MYO5B: variants seen among roughly 807,000 people sequenced by gnomAD.
The protein encoded by MYO5B is unconventional myosin-Vb.
MYO5B carries 143 observed loss-of-function variants against 229.3 expected under a neutral mutation model. The ratio of observed to expected loss-of-function variants is 0.62; its 90% CI spans 0.54 to 0.72. The LOEUF is 0.72. Among genes scored for constraint, MYO5B ranks in the 30% least tolerant of loss-of-function variants. The probability of loss-of-function intolerance (pLI) is 0.00; values close to 1 mark genes in which losing one functional copy is unlikely to be tolerated. For synonymous variants in MYO5B, 918 were observed against 885.2 expected (o/e 1.04, Z -0.66); for missense variants, 2,321 against 2,331.0 (o/e 1.00, Z 0.09).
chr18:50,088,727 C>T (rs542043944), intron 1 of MYO5B, among the ~76,000 whole-genome samples: 1 of 152,286 alleles, frequency 6.6e-6, no homozygotes, highest in Admixed American at 6.5e-5. Flanking sequence ...AATTTATATC[C>T]TCCATCTTCC....
At chr18:50,061,704 T>G (rs987159375) in intron 1 of MYO5B, among the ~76,000 whole-genome samples, 5 of 152,182 alleles carry the variant, frequency 3.3e-5, no homozygotes, top group Non-Finnish European at 7.3e-5. Flanking sequence ...GCCCAAACAC[T>G]GTATTTTTAA....
chr18:50,156,440 G>GT (rs1364597480), intron 1 of MYO5B, among the ~76,000 whole-genome samples: 1 of 152,174 alleles, frequency 6.6e-6, no homozygotes, highest in Non-Finnish European at 1.5e-5. Context: ...AGATCTGATG[G>GT]TTTTATAAGA....
At chr18:49,943,702 G>A (rs1400184635) in intron 14 of MYO5B, among the ~76,000 whole-genome samples, 1 of 152,204 alleles carries the variant, frequency 6.6e-6, no homozygotes, top group Admixed American at 6.5e-5. Flanking sequence ...AAACAAAAGT[G>A]TTATAGAAGA....
intron 7 of MYO5B, among the ~76,000 whole-genome samples, chr18:49,988,348 T>C (rs4245233): frequency 0.98 from 149,407 of 152,280 alleles, 73,365 homozygotes; most frequent in East Asian, 1. Flanking sequence ...CACAAGCGCT[T>C]GTCAAAGGCT....
intron 17 of MYO5B, among the ~76,000 whole-genome samples, chr18:49,920,634 C>A (rs1025804733): frequency 1.4e-4 from 21 of 152,170 alleles, no homozygotes; most frequent in Non-Finnish European, 2.5e-4. Flanking sequence ...AAAGTGAGGA[C>A]ACAGGAAAAC....
At chr18:50,000,694 A>G (rs960956504) in intron 5 of MYO5B, among the ~76,000 whole-genome samples, 1 of 152,200 alleles carries the variant, frequency 6.6e-6, no homozygotes, top group Non-Finnish European at 1.5e-5. Context: ...AGGAGTGAAG[A>G]CACAGATGGG....
At chr18:50,145,537 AAT>A (rs1267221119) in intron 1 of MYO5B, among the ~76,000 whole-genome samples, 4 of 140,594 alleles carry the variant, frequency 2.8e-5, no homozygotes, top group Admixed American at 1.5e-4. Flanking sequence ...AAAAAAAAAA[AAT>A]TTCTCTCAGG....
chr18:50,084,134 G>A (rs1309352556), intron 1 of MYO5B, among the ~76,000 whole-genome samples: 2 of 152,180 alleles, frequency 1.3e-5, no homozygotes, highest in Non-Finnish European at 2.9e-5. Flanking sequence ...AGCAGCACAT[G>A]TTGCCAATTA....
intron 1 of MYO5B, among the ~76,000 whole-genome samples, chr18:50,058,348 T>C (rs1363855434): frequency 1.3e-5 from 2 of 152,172 alleles, no homozygotes; most frequent in Non-Finnish European, 2.9e-5. Context: ...TACATGCTTG[T>C]AGTCCTAGCT....
chr18:49,972,904 C>T (rs1357457817), intron 10 of MYO5B, among the ~76,000 whole-genome samples: 1 of 152,050 alleles, frequency 6.6e-6, no homozygotes, highest in Non-Finnish European at 1.5e-5. Context: ...ACTGTGTGCT[C>T]CTTATCAGCA....
intron 7 of MYO5B, among the ~76,000 whole-genome samples, chr18:49,985,861 C>T (rs1440077756): frequency 6.6e-6 from 1 of 152,182 alleles, no homozygotes; most frequent in East Asian, 1.9e-4. Flanking sequence ...AACACCTGTC[C>T]TTGCAATTTG....
At chr18:50,148,640 A>G (rs1379463160) in intron 1 of MYO5B, among the ~76,000 whole-genome samples, 2 of 151,628 alleles carry the variant, frequency 1.3e-5, no homozygotes, top group African/African-American at 4.8e-5. Flanking sequence ...AACAACCTTC[A>G]TGCTAAAAAC....
intron 21 of MYO5B, among the ~76,000 whole-genome samples, chr18:49,901,883 ACTTGCCGT>A (rs2024845603): frequency 6.6e-6 from 1 of 152,178 alleles, no homozygotes. Context: ...GGATGGTAAT[ACTTGCCGT>A]AGGAGGGCCG....
chr18:50,187,724 C>CT (rs1359369833), intron 1 of MYO5B, among the ~76,000 whole-genome samples: 2 of 152,122 alleles, frequency 1.3e-5, no homozygotes, highest in East Asian at 3.9e-4. Flanking sequence ...GCTATGTTGT[C>CT]CAGGCTAGTC....
At chr18:49,880,488 T>C (rs1301582631) in intron 22 of MYO5B, 33 bp from the exon 23 acceptor site, 1 of 1,555,388 alleles carries the variant, frequency 6.4e-7, no homozygotes, top group African/African-American at 1.4e-5. Context: ...AAATGTCTCA[T>C]GATGCTGGGA....
In MYO5B at chr18:49,895,023, A is replaced by G; in HGVS notation, c.2963T>C (p.Leu988Pro). 1 of 1,613,926 alleles carries G rather than the reference A, an allele frequency of 6.2e-7. No individual in the cohort carries two copies. Among genetic ancestry groups the G allele is most frequent in the Non-Finnish European group, 8.5e-7 (1 of 1,180,008 alleles). The change falls in exon 22 of 40, where the codon CTG becomes CCG. Residue 988 changes from leucine to proline, a missense_variant. Physicochemically the swap from Leu to Pro is moderately conservative, Grantham distance 98. Transcript: ENST00000285039. ...SLRLQEEVES[L>P]RTELQRAHSE... Reference sequence around the variant, plus strand: ...GTGGGCCCTCTGCAGCTCTGTGCGCAGGCTCTCCACCTCCTCCTGCAGCCT... The same window carrying G: ...GTGGGCCCTCTGCAGCTCTGTGCGCGGGCTCTCCACCTCCTCCTGCAGCCT...
At chr18:50,074,997 A>T (rs573710714) in intron 1 of MYO5B, among the ~76,000 whole-genome samples, 1 of 152,102 alleles carries the variant, frequency 6.6e-6, no homozygotes, top group South Asian at 2.1e-4. Context: ...ACAGGGTTTC[A>T]CCATTGGTCA....
chr18:49,850,977 A>G (rs2024193832), intron 31 of MYO5B: 3 of 152,360 alleles, frequency 2.0e-5, no homozygotes, highest in African/African-American at 7.2e-5. Flanking sequence ...GGACGCTGGT[A>G]CTATGACCAC....
chr18:50,034,170 C>A lies in MYO5B; in HGVS notation c.455+2680G>T, dbSNP rs563894610. Among the ~76,000 whole-genome samples, 12 of 152,358 alleles carry A rather than the reference C, an allele frequency of 7.9e-5. No individual in the cohort carries two copies. In the East Asian group the frequency reaches 2.3e-3, roughly 29 times the overall value. ...TAGGCAGGTTCAAATTCAAAGTACA[C>A]TGTGCTAGCCTATGGCTACTTGAAC... On this transcript the variant is annotated intron_variant, in intron 4 of 39. Transcript: ENST00000285039.
Sources: allele counts gnomAD v4.1 joint callset (sites outside exome capture counted in the v4.1 genomes callset), GRCh38; gene constraint gnomAD v4.1.1; transcripts MANE v1.5; gene names NCBI Gene and HGNC (gene_info 2026-07-23, HGNC 2026-07-21).